Variants in USH2A observed in about 807,000 individuals in gnomAD.
USH2A encodes usherin.
A neutral mutation model predicts 538.9 loss-of-function variants in USH2A; 443 were observed. The observed-to-expected ratio is 0.82, with a 90% CI of 0.76 to 0.89. The LOEUF is 0.89. Ranked by LOEUF, USH2A falls within the 40% of genes least tolerant of loss-of-function variation. The pLI is 0.00. For missense variants in USH2A, 6,633 were observed against 6,324.8 expected (o/e 1.05, Z -1.65); for synonymous variants, 2,413 against 2,273.5 (o/e 1.06, Z -1.75).
intron 14 of USH2A, among the ~76,000 whole-genome samples, chr1:216,222,556 A>G (rs183638427): frequency 9.0e-4 from 137 of 152,318 alleles, no homozygotes; most frequent in Middle Eastern, 3.4e-3. Context: ...AGAATGCCCA[A>G]TGTAATCTAC....
At chr1:215,997,379 G>T (rs1257851690) in intron 34 of USH2A, among the ~76,000 whole-genome samples, 3 of 152,060 alleles carry the variant, frequency 2.0e-5, no homozygotes, top group Non-Finnish European at 4.4e-5. Flanking sequence ...ACTTTTTTTA[G>T]CATCATAGAA....
At chr1:216,280,481 T>A (rs956689700) in intron 11 of USH2A, among the ~76,000 whole-genome samples, 8 of 151,986 alleles carry the variant, frequency 5.3e-5, no homozygotes, top group Admixed American at 1.3e-4. Flanking sequence ...TATACAGACA[T>A]AAAATATACA....
chr1:216,123,828 C>T (rs2033186812), intron 21 of USH2A, among the ~76,000 whole-genome samples: 1 of 152,060 alleles, frequency 6.6e-6, no homozygotes, highest in Non-Finnish European at 1.5e-5. Context: ...AGTTAAACAC[C>T]TAAGAAAGTT....
chr1:215,629,488 T>C (rs1656186533), intron 70 of USH2A, among the ~76,000 whole-genome samples: 1 of 152,184 alleles, frequency 6.6e-6, no homozygotes, highest in South Asian at 2.1e-4. Context: ...TATTTCATGG[T>C]GGTCCACTAT....
At chr1:216,188,170 C>G (rs2034645491) in intron 20 of USH2A, among the ~76,000 whole-genome samples, 1 of 151,090 alleles carries the variant, frequency 6.6e-6, no homozygotes, top group South Asian at 2.1e-4. Flanking sequence ...CACAGAGCAC[C>G]CAGGTACATC....
At chr1:215,893,040 T>C (rs1665246632) in intron 40 of USH2A, among the ~76,000 whole-genome samples, 1 of 152,116 alleles carries the variant, frequency 6.6e-6, no homozygotes, top group Admixed American at 6.6e-5. Context: ...TAAAATGCAT[T>C]GATGTGAGAA....
intron 61 of USH2A, among the ~76,000 whole-genome samples, chr1:215,705,241 T>G (rs1571972883): frequency 6.6e-6 from 1 of 152,250 alleles, no homozygotes; most frequent in Non-Finnish European, 1.5e-5. Context: ...ATTGAAAGAC[T>G]TCTTTAGACT....
At chr1:215,771,754 C>T (rs1406604816) in intron 55 of USH2A, among the ~76,000 whole-genome samples, 1 of 151,876 alleles carries the variant, frequency 6.6e-6, no homozygotes, top group Non-Finnish European at 1.5e-5. Flanking sequence ...TAATACTTAT[C>T]TACTTACCAA....
intron 48 of USH2A, 30 bp downstream of exon 48, chr1:215,816,967 T>C: frequency 6.2e-7 from 1 of 1,608,386 alleles, no homozygotes; most frequent in Non-Finnish European, 8.5e-7. Context: ...GAGAAAAACA[T>C]GGTTCACTGA....
At chr1:215,684,949 G>C (rs1168092446) in intron 61 of USH2A, among the ~76,000 whole-genome samples, 1 of 151,054 alleles carries the variant, frequency 6.6e-6, no homozygotes, top group Non-Finnish European at 1.5e-5. Context: ...ATTAACCTCT[G>C]TATTCTTAAG....
chr1:215,730,230 G>C (rs995776618), intron 60 of USH2A, among the ~76,000 whole-genome samples: 2 of 152,174 alleles, frequency 1.3e-5, no homozygotes, highest in Admixed American at 6.5e-5. Context: ...CATGATGCAG[G>C]TTTGATGGAA....
intron 3 of USH2A, among the ~76,000 whole-genome samples, chr1:216,412,352 T>C (rs1571794648): frequency 6.6e-6 from 1 of 152,132 alleles, no homozygotes; most frequent in Admixed American, 6.6e-5. Flanking sequence ...CATAATAAAG[T>C]AGGAAGTGCT....
chr1:215,818,681 G>A (rs1662926582), intron 47 of USH2A, among the ~76,000 whole-genome samples: 2 of 151,682 alleles, frequency 1.3e-5, no homozygotes, highest in African/African-American at 4.8e-5. Flanking sequence ...AGCAAATGAG[G>A]TCATAACATA....
At position 216,394,845 on chromosome 1, in the gene USH2A, A is replaced by G. The variant is rs532217366; in HGVS notation, c.651+23669T>C. Among the ~76,000 whole-genome samples the G allele has an allele frequency of 4.6e-3, 694 of 150,828 alleles. 5 individuals carry two copies. Among genetic ancestry groups the G allele is most frequent in the African/African-American group, 0.016 (666 of 41,094 alleles). ...GCCATTCTCCTGCCTCAGCCTCCCAAGTAGCTGGGACTACAGGCGCCCGCC... is the reference window on the plus strand; with the variant it reads ...GCCATTCTCCTGCCTCAGCCTCCCAGGTAGCTGGGACTACAGGCGCCCGCC... On this transcript the variant is annotated intron_variant, in intron 3 of 71. Coordinates refer to ENST00000307340, the MANE Select transcript of USH2A (RefSeq NM_206933.4).
chr1:216,206,396 C>T (rs532492548), intron 16 of USH2A, among the ~76,000 whole-genome samples: 1 of 152,192 alleles, frequency 6.6e-6, no homozygotes, highest in South Asian at 2.1e-4. Context: ...ATGATTCAAG[C>T]GCATTATATT....
At chr1:216,070,366 A>C in intron 29 of USH2A, 74 bp from the exon 30 acceptor site, 1 of 1,379,720 alleles carries the variant, frequency 7.2e-7, no homozygotes, top group Non-Finnish European at 1.0e-6. Flanking sequence ...CTTCACTTTT[A>C]ATGGCCGCAG....
intron 44 of USH2A, among the ~76,000 whole-genome samples, chr1:215,860,007 G>T (rs1012912161): frequency 3.9e-5 from 6 of 152,136 alleles, no homozygotes; most frequent in African/African-American, 1.4e-4. Flanking sequence ...AGTTTTTGAA[G>T]AAATGAATTA....
At chr1:216,400,332 A>G (rs891716518) in intron 3 of USH2A, among the ~76,000 whole-genome samples, 4 of 151,770 alleles carry the variant, frequency 2.6e-5, no homozygotes, top group Non-Finnish European at 5.9e-5. Context: ...GGAAGATGAC[A>G]GGATTCCTGA....
At chr1:215,798,157 G>A (rs1017610118) in intron 50 of USH2A, among the ~76,000 whole-genome samples, 20 of 152,284 alleles carry the variant, frequency 1.3e-4, no homozygotes, top group South Asian at 4.1e-4. Flanking sequence ...CTGAATTGCT[G>A]CAATCATAAA....
Sources: allele counts gnomAD v4.1 joint callset (sites outside exome capture counted in the v4.1 genomes callset), GRCh38; gene constraint gnomAD v4.1.1; transcripts MANE v1.5; gene names NCBI Gene and HGNC (gene_info 2026-07-23, HGNC 2026-07-21).